The following PKHD1 variants were observed in gnomAD, a reference collection of about 807,000 sequenced individuals.
The protein encoded by PKHD1 is fibrocystin.
PKHD1 carries 291 observed loss-of-function variants against 412.0 expected under a neutral mutation model. The ratio of observed to expected loss-of-function variants is 0.71; its 90% CI spans 0.64 to 0.78. The LOEUF (loss-of-function observed/expected upper bound fraction) is 0.78, where lower values mean the gene tolerates loss of function less well. PKHD1 is among the 30% of genes least tolerant of loss of function. The pLI is 0.00. For missense variants in PKHD1, 4,825 were observed against 4,950.7 expected (o/e 0.97, Z 0.76); for synonymous variants, 1,777 against 1,821.5 (o/e 0.98, Z 0.62).
At chr6:51,638,358 GT>G (rs955240823) in intron 64 of PKHD1, among the ~76,000 whole-genome samples, 3 of 151,862 alleles carry the variant, frequency 2.0e-5, no homozygotes, top group South Asian at 2.1e-4. Flanking sequence ...GCCAGAGGGT[GT>G]TTTTTTTACA....
chr6:51,842,845 T>A (rs543012171), intron 50 of PKHD1, among the ~76,000 whole-genome samples: 1 of 152,002 alleles, frequency 6.6e-6, no homozygotes, highest in Non-Finnish European at 1.5e-5. Flanking sequence ...AGGGGGCTGG[T>A]GGAGGTGGAG....
At position 52,060,060 on chromosome 6, in the gene PKHD1, G is replaced by C. The variant is rs367960459; in HGVS notation, c.1119-18C>G. ...GCCGTGCTCTGTAAAGTAGAACATA[G>C]AGTCAAGCAAGAGTAACCAAGGCCT... On this transcript the variant is annotated intron_variant, in intron 14 of 66. Coordinates refer to ENST00000371117, the MANE Select transcript of PKHD1 (RefSeq NM_138694.4). 153 of 1,434,938 alleles carry C rather than the reference G, an allele frequency of 1.1e-4. No homozygotes were observed. In the African/African-American group the frequency reaches 1.8e-3, roughly 16 times the overall value. 88.9% of individuals were successfully genotyped at this position (1,434,938 alleles called of 1,614,324 possible).
At chr6:51,669,866 A>T (rs1774591369) in intron 60 of PKHD1, among the ~76,000 whole-genome samples, 2 of 124,504 alleles carry the variant, frequency 1.6e-5, no homozygotes, top group South Asian at 2.7e-4. Flanking sequence ...TTTGAGTGAG[A>T]TTCTTAATCC....
rs1317442883 is a variant in PKHD1 at position 51,856,039 on chromosome 6, T to A, written c.7765A>T (p.Thr2589Ser). ...ANTPEVSYDL[T>S]MTDSRNKTTT... The stretch of plus-strand genomic sequence containing the variant: ...GTTTTATTTCTGCTGTCAGTCATGG[T>A]TAAATCATAAGAAACTTCAGGAGTA... The change falls in exon 49 of 67, where the codon ACC becomes TCC. Residue 2589 changes from threonine to serine, a missense_variant. By Grantham distance (58) the Thr-to-Ser change is moderately conservative (BLOSUM62 1). Coordinates refer to ENST00000371117, the MANE Select transcript of PKHD1 (RefSeq NM_138694.4). 1.2e-6 allele frequency: 2 copies of A among 1,608,258 alleles called. No individual in the cohort carries two copies. The highest frequency in any genetic ancestry group is 8.5e-7 in the Non-Finnish European group (1 of 1,174,826).
At position 52,062,606 on chromosome 6, in the gene PKHD1, G is replaced by A. The variant is rs1808852626; in HGVS notation, c.1031C>T (p.Thr344Ile). The A allele has an allele frequency of 5.6e-6, 9 of 1,614,102 alleles. No individual in the cohort carries two copies. The East Asian group carries it at 1.3e-4, about 24-fold the overall frequency. ...VGDAVEGLEL[T>I]EATPGYRWQI... ...CCACCTGTACCCTGGGGTGGCTTCA[G>A]TCAGTTCCAGTCCCTCAACAGCATC... The change falls in exon 14 of 67, where the codon ACT becomes ATT. Residue 344 changes from threonine to isoleucine, a missense_variant. Transcript: ENST00000371117.
In PKHD1 at chr6:51,794,426, G is replaced by A. The variant is rs143392821; in HGVS notation, c.8303-3053C>T. Among the ~76,000 whole-genome samples, 150 of 152,108 alleles carry A rather than the reference G, an allele frequency of 9.9e-4. 3 individuals carry two copies. Among genetic ancestry groups the A allele is most frequent in the Admixed American group, 9.4e-3 (143 of 15,274 alleles). On this transcript the variant is annotated intron_variant, in intron 52 of 66. Coordinates refer to ENST00000371117, the MANE Select transcript of PKHD1 (RefSeq NM_138694.4). ...TCCTTATAGATGCTGGATATTAGAC[G>A]TTTGTCAGATGCATAGATTGCAAAA...
intron 60 of PKHD1, among the ~76,000 whole-genome samples, chr6:51,692,113 A>G (rs1281373421): frequency 6.6e-6 from 1 of 152,070 alleles, no homozygotes; most frequent in Non-Finnish European, 1.5e-5. Flanking sequence ...TAATGCTCAA[A>G]TAAGTATTCT....
chr6:51,798,638 C>T lies in PKHD1; in HGVS notation c.8303-7265G>A, dbSNP rs184175373. On this transcript the variant is annotated intron_variant, in intron 52 of 66. Coordinates refer to ENST00000371117, the MANE Select transcript of PKHD1 (RefSeq NM_138694.4). ...TCTCATGGAGTACCTTACTGGGGTT[C>T]TCCGCATTTCCTGAATTTGAATGTT... Among the ~76,000 whole-genome samples, 11 of 152,160 alleles carry T rather than the reference C, an allele frequency of 7.2e-5. No homozygotes were observed. The East Asian group carries it at 2.1e-3, about 30-fold the overall frequency.
intron 60 of PKHD1, among the ~76,000 whole-genome samples, chr6:51,709,926 T>C (rs1293899259): frequency 6.6e-6 from 1 of 150,938 alleles, no homozygotes; most frequent in Non-Finnish European, 1.5e-5. Context: ...TAAAAGGAAT[T>C]GGCTGGGCAC....
At chr6:52,028,485 C>T (rs1477323558) in intron 29 of PKHD1, 134 bp from the exon 30 acceptor site, 8 of 819,442 alleles carry the variant, frequency 9.8e-6, no homozygotes, top group Admixed American at 9.4e-5. Context: ...AGTTACGATA[C>T]CAACCTAAAT....
At chr6:51,633,409 A>G (rs1459514658) in intron 64 of PKHD1, among the ~76,000 whole-genome samples, 2 of 152,214 alleles carry the variant, frequency 1.3e-5, no homozygotes, top group African/African-American at 4.8e-5. Context: ...ATAAAAACAC[A>G]TACATAAATG....
Position 52,047,005 on chromosome 6 carries a change from G to A in PKHD1, c.2408-817C>T, listed in dbSNP as rs78768024. On this transcript the variant is annotated intron_variant, in intron 23 of 66. Coordinates refer to ENST00000371117, the MANE Select transcript of PKHD1 (RefSeq NM_138694.4). ...TGAAGGGCTAATAAAATATCACTGC[G>A]TTTCTAAATTGCAAACGAAATTGTT... is the stretch of plus-strand genomic sequence containing the variant. Among the ~76,000 whole-genome samples the A allele has an allele frequency of 4.6e-5, 7 of 152,300 alleles. No individual in the cohort carries two copies. In the East Asian group the frequency reaches 7.7e-4, roughly 17 times the overall value.
intron 43 of PKHD1, among the ~76,000 whole-genome samples, chr6:51,899,420 G>T (rs1291563546): frequency 2.6e-5 from 4 of 152,118 alleles, no homozygotes; most frequent in East Asian, 1.9e-4. Context: ...AAAAACCACA[G>T]AATTATCTCA....
In PKHD1 at chr6:52,083,187, T is replaced by C. The variant is rs879184145; in HGVS notation, c.121A>G (p.Ile41Val). The C allele has an allele frequency of 5.6e-6, 9 of 1,605,248 alleles. No homozygotes were observed. The South Asian group carries it at 8.8e-5, about 16-fold the overall frequency. ...SLAGGTWITV[I>V]FDGLELGVLY... The stretch of plus-strand genomic sequence containing the variant: ...TAAAACCCCAACCTACCATCAAAAA[T>C]GACTGTGATCCACGTTCCCCCTGCA... The change falls in exon 3 of 67, where the codon ATT (isoleucine) becomes GTT (valine). Residue 41 changes from isoleucine to valine, a missense_variant. Transcript: ENST00000371117.
chr6:51,739,774 C>T (rs540647029), intron 60 of PKHD1, among the ~76,000 whole-genome samples: 36 of 152,196 alleles, frequency 2.4e-4, no homozygotes, highest in African/African-American at 8.4e-4. Flanking sequence ...TTTCATTTTA[C>T]CTCCCTTCCA....
chr6:52,033,501 G>A (rs1007608124), intron 28 of PKHD1, among the ~76,000 whole-genome samples: 43 of 152,010 alleles, frequency 2.8e-4, no homozygotes, highest in Non-Finnish European at 6.0e-4. Context: ...TCAAATAAAT[G>A]TCTATACCTA....
chr6:51,699,105 G>A (rs1023775131), intron 60 of PKHD1, among the ~76,000 whole-genome samples: 1 of 152,050 alleles, frequency 6.6e-6, no homozygotes, highest in Non-Finnish European at 1.5e-5. Flanking sequence ...TTCTCATATG[G>A]TAATTTTTTT....
chr6:51,700,042 C>G (rs1049198970), intron 60 of PKHD1, among the ~76,000 whole-genome samples: 1 of 150,880 alleles, frequency 6.6e-6, no homozygotes, highest in Non-Finnish European at 1.5e-5. Context: ...TTTAGGAGAA[C>G]TTGGCCTTGT....
intron 60 of PKHD1, among the ~76,000 whole-genome samples, chr6:51,666,319 C>G (rs1194986122): frequency 6.6e-6 from 1 of 151,994 alleles, no homozygotes; most frequent in African/African-American, 2.4e-5. Flanking sequence ...CATATACTAC[C>G]CAGCTTACCT....
Sources: gnomAD v4.1 joint callset for allele counts (sites outside exome capture counted in the v4.1 genomes callset) on GRCh38, gnomAD v4.1.1 for gene constraint, MANE v1.5 for transcripts, NCBI Gene and HGNC (gene_info 2026-07-23, HGNC 2026-07-21) for gene names.